Variants in RPS6KC1 observed in about 807,000 individuals in gnomAD.
RPS6KC1 encodes inactive ribosomal protein S6 kinase delta-1.
A neutral mutation model predicts 103.8 loss-of-function variants in RPS6KC1; 54 were observed. That is an observed-to-expected ratio of 0.52 (90% CI 0.42 to 0.65). RPS6KC1 has a LOEUF of 0.65. Ranked by LOEUF, RPS6KC1 falls within the 30% of genes least tolerant of loss-of-function variation. The probability of loss-of-function intolerance (pLI) is 0.00; values close to 1 mark genes in which losing one functional copy is unlikely to be tolerated. For missense variants in RPS6KC1, 1,151 were observed against 1,253.8 expected (o/e 0.92, Z 1.24); for synonymous variants, 439 against 438.7 (o/e 1.00, Z -0.01).
intron 2 of RPS6KC1, among the ~76,000 whole-genome samples, chr1:213,075,945 G>A (rs2079297402): frequency 6.6e-6 from 1 of 152,030 alleles, no homozygotes; most frequent in Non-Finnish European, 1.5e-5. Flanking sequence ...GCTGATTTAG[G>A]TACTACATCT....
chr1:213,214,600 G>A (rs374545486), intron 8 of RPS6KC1, among the ~76,000 whole-genome samples: 2 of 152,184 alleles, frequency 1.3e-5, no homozygotes, highest in Non-Finnish European at 2.9e-5. Flanking sequence ...CCTGACCCCC[G>A]AGTAGCCTAA....
At chr1:213,752,327 A>G in the RPS6KC1 span, among the ~76,000 whole-genome samples, 1 of 152,106 alleles carries the variant, frequency 6.6e-6, no homozygotes, top group African/African-American at 2.4e-5. Flanking sequence ...AACACATCAC[A>G]GGACCAAAAA....
the RPS6KC1 span, among the ~76,000 whole-genome samples, chr1:213,809,665 G>T: frequency 1.3e-5 from 2 of 152,072 alleles, no homozygotes; most frequent in Non-Finnish European, 2.9e-5. Context: ...ATATTAAGAG[G>T]ATACTCATTA....
chr1:213,381,618 C>T, the RPS6KC1 span, among the ~76,000 whole-genome samples: 1 of 151,964 alleles, frequency 6.6e-6, no homozygotes, highest in Admixed American at 6.6e-5. Flanking sequence ...AAGTGTGCTG[C>T]GAAGTGCCAA....
At chr1:213,728,084 T>C in the RPS6KC1 span, among the ~76,000 whole-genome samples, 1 of 151,220 alleles carries the variant, frequency 6.6e-6, no homozygotes, top group Non-Finnish European at 1.5e-5. Flanking sequence ...GAGAAGATAA[T>C]AGAGGGAAGT....
At chr1:213,609,111 C>G in the RPS6KC1 span, among the ~76,000 whole-genome samples, 2 of 152,154 alleles carry the variant, frequency 1.3e-5, no homozygotes, top group African/African-American at 2.4e-5. Context: ...ATTCTACTAT[C>G]CAAAGCAGGT....
intron 7 of RPS6KC1, among the ~76,000 whole-genome samples, chr1:213,170,301 A>G (rs145873835): frequency 8.9e-4 from 136 of 152,340 alleles, no homozygotes; most frequent in Non-Finnish European, 1.2e-3. Context: ...ACCATGAAGT[A>G]TATCAGTCAG....
At chr1:213,678,527 G>A in the RPS6KC1 span, among the ~76,000 whole-genome samples, 6 of 152,200 alleles carry the variant, frequency 3.9e-5, no homozygotes, top group Non-Finnish European at 7.3e-5. Context: ...GCTCCCCAGA[G>A]GGCAGCTAGG....
the RPS6KC1 span, among the ~76,000 whole-genome samples, chr1:213,634,697 A>G: frequency 6.6e-6 from 1 of 152,174 alleles, no homozygotes; most frequent in Non-Finnish European, 1.5e-5. Flanking sequence ...AACAAATTCA[A>G]AAGCTAGAAG....
the RPS6KC1 span, among the ~76,000 whole-genome samples, chr1:213,736,278 A>T: frequency 6.6e-6 from 1 of 152,158 alleles, no homozygotes; most frequent in African/African-American, 2.4e-5. Flanking sequence ...ACTGCAGGTA[A>T]GGTTTCAGCC....
intron 6 of RPS6KC1, among the ~76,000 whole-genome samples, chr1:213,131,034 A>G (rs949649335): frequency 6.6e-6 from 1 of 151,806 alleles, no homozygotes; most frequent in African/African-American, 2.4e-5. Context: ...TTTGACTGCC[A>G]TGTTAATAGA....
At chr1:213,499,783 G>A in the RPS6KC1 span, among the ~76,000 whole-genome samples, 1,996 of 152,300 alleles carry the variant, frequency 0.013, 43 homozygotes, top group African/African-American at 0.045. Context: ...CTACAAACCT[G>A]TACGGCATGT....
At chr1:213,396,201 C>A in the RPS6KC1 span, among the ~76,000 whole-genome samples, 1 of 152,156 alleles carries the variant, frequency 6.6e-6, no homozygotes, top group African/African-American at 2.4e-5. Flanking sequence ...TATCACCTCT[C>A]TGGGCCTCTG....
intron 8 of RPS6KC1, among the ~76,000 whole-genome samples, chr1:213,204,155 C>T (rs1428248839): frequency 6.6e-6 from 1 of 152,142 alleles, no homozygotes; most frequent in Non-Finnish European, 1.5e-5. Flanking sequence ...GAGCACAGAC[C>T]CTATCTGCTG....
At chr1:213,618,579 G>A in the RPS6KC1 span, among the ~76,000 whole-genome samples, 1 of 152,216 alleles carries the variant, frequency 6.6e-6, no homozygotes, top group African/African-American at 2.4e-5. Flanking sequence ...ATAATCACTA[G>A]AATGAGTATT....
At chr1:213,449,938 C>T in the RPS6KC1 span, among the ~76,000 whole-genome samples, 11 of 152,272 alleles carry the variant, frequency 7.2e-5, no homozygotes, top group East Asian at 5.8e-4. Flanking sequence ...TTTTTGTGCA[C>T]GCAACACCCA....
rs762553182 is a variant in RPS6KC1, at chr1:213,242,634, A to G, written c.2887A>G (p.Ile963Val). The G allele has an allele frequency of 2.5e-6, 4 of 1,612,038 alleles. No individual in the cohort carries two copies. The highest frequency in any genetic ancestry group is 2.7e-5 in the African/African-American group (2 of 74,870). Residue 963 changes from isoleucine (I) to valine (V), a missense_variant, in exon 12 of 15, where the codon ATA becomes GTA. Transcript: ENST00000366960. The stretch of plus-strand genomic sequence containing the variant: ...TGAAGATTCCTGTGACAGCGATGCC[A>G]TAGAGAGAATGTACTGTGCCCCAGG... ...EVEDSCDSDAIERMYCAPEVG... is the reference protein window; with the variant it reads ...EVEDSCDSDAVERMYCAPEVG...
At chr1:213,588,615 A>T in the RPS6KC1 span, among the ~76,000 whole-genome samples, 1 of 151,938 alleles carries the variant, frequency 6.6e-6, no homozygotes, top group Non-Finnish European at 1.5e-5. Context: ...TCTTAATACT[A>T]TTGCATTGGA....
the RPS6KC1 span, among the ~76,000 whole-genome samples, chr1:213,748,748 TCTG>T: frequency 6.6e-4 from 101 of 152,354 alleles, no homozygotes; most frequent in African/African-American, 2.1e-3. Flanking sequence ...ATGACAATCC[TCTG>T]CTGTCTGTTC....
Sources: allele counts gnomAD v4.1 joint callset (sites outside exome capture counted in the v4.1 genomes callset), GRCh38; gene constraint gnomAD v4.1.1; transcripts MANE v1.5; gene names NCBI Gene and HGNC (gene_info 2026-07-23, HGNC 2026-07-21).